GMDS: variants seen among roughly 807,000 people sequenced by gnomAD.
GMDS encodes the protein GDP-mannose 4,6-dehydratase.
In GMDS, 20 loss-of-function variants were observed where a neutral mutation model predicts 49.9. The ratio of observed to expected loss-of-function variants is 0.40; its 90% CI spans 0.28 to 0.58. The LOEUF is 0.58. Ranked by LOEUF, GMDS falls within the 20% of genes least tolerant of loss-of-function variation. GMDS has a pLI of 0.42. For synonymous variants in GMDS, 177 were observed against 178.6 expected, an observed-to-expected ratio of 0.99 and a Z score of 0.07; for missense variants, 362 against 481.4, an observed-to-expected ratio of 0.75 and a Z score of 2.32.
intron 4 of GMDS, among the ~76,000 whole-genome samples, chr6:2,004,570 CAG>C (rs1247357322): frequency 6.6e-6 from 1 of 152,148 alleles, no homozygotes; most frequent in African/African-American, 2.4e-5. Context: ...TTGCTTAACA[CAG>C]GGGAGCTTGA....
At chr6:1,948,876 A>G (rs1406174602) in intron 6 of GMDS, among the ~76,000 whole-genome samples, 1 of 151,970 alleles carries the variant, frequency 6.6e-6, no homozygotes, top group East Asian at 1.9e-4. Flanking sequence ...TTTTTTTGCA[A>G]TTCACGGGTG....
At chr6:2,231,569 A>T (rs775714064) in intron 1 of GMDS, among the ~76,000 whole-genome samples, 1 of 152,200 alleles carries the variant, frequency 6.6e-6, no homozygotes, top group African/African-American at 2.4e-5. Context: ...GTCTCCAAAA[A>T]AAAAGCCTAA....
At chr6:1,681,233 C>A (rs1764777864) in intron 9 of GMDS, among the ~76,000 whole-genome samples, 1 of 151,930 alleles carries the variant, frequency 6.6e-6, no homozygotes, top group Non-Finnish European at 1.5e-5. Context: ...TACACACCTG[C>A]CTCCTCACAG....
At chr6:1,964,784 C>T (rs1361160956) in intron 4 of GMDS, among the ~76,000 whole-genome samples, 2 of 152,104 alleles carry the variant, frequency 1.3e-5, no homozygotes, top group Non-Finnish European at 2.9e-5. Flanking sequence ...CCCAGTAACT[C>T]GTCATTTAGC....
intron 8 of GMDS, among the ~76,000 whole-genome samples, chr6:1,730,185 G>C (rs1015971665): frequency 6.6e-6 from 1 of 152,202 alleles, no homozygotes; most frequent in African/African-American, 2.4e-5. Flanking sequence ...GTGCCATAAG[G>C]CAGGCCTGGA....
intron 4 of GMDS, among the ~76,000 whole-genome samples, chr6:2,088,486 G>A (rs941877671): frequency 3.3e-5 from 5 of 152,302 alleles, no homozygotes; most frequent in Non-Finnish European, 7.4e-5. Context: ...CATCTTGCCT[G>A]ATAACTCACA....
At chr6:2,228,364 T>G (rs1452731806) in intron 1 of GMDS, among the ~76,000 whole-genome samples, 1 of 152,206 alleles carries the variant, frequency 6.6e-6, no homozygotes, top group Non-Finnish European at 1.5e-5. Context: ...CTCCTTTTCT[T>G]CAATATACAC....
chr6:2,173,295 T>A (rs1778110689), intron 1 of GMDS, among the ~76,000 whole-genome samples: 1 of 152,192 alleles, frequency 6.6e-6, no homozygotes, highest in Admixed American at 6.5e-5. Flanking sequence ...AGGGTAGAAA[T>A]GTTTTCATCT....
chr6:1,624,727 T>G, intron 9 of GMDS, 187 bp from the exon 10 acceptor site: 1 of 597,106 alleles, frequency 1.7e-6, no homozygotes, highest in South Asian at 2.0e-5. Context: ...TAGGTCGCGG[T>G]TAAGAATGTG....
At chr6:1,774,983 G>A (rs1768737771) in intron 7 of GMDS, among the ~76,000 whole-genome samples, 1 of 152,220 alleles carries the variant, frequency 6.6e-6, no homozygotes, top group African/African-American at 2.4e-5. Flanking sequence ...CCTGCTCGAT[G>A]GCCTCCTGTC....
chr6:2,167,975 T>C (rs1002508192), intron 1 of GMDS, among the ~76,000 whole-genome samples: 9 of 152,372 alleles, frequency 5.9e-5, no homozygotes, highest in South Asian at 2.1e-4. Flanking sequence ...GGTGCCTTCA[T>C]TGAAGCATTT....
chr6:2,216,419 T>C (rs1242119494), intron 1 of GMDS, among the ~76,000 whole-genome samples: 1 of 152,258 alleles, frequency 6.6e-6, no homozygotes, highest in East Asian at 1.9e-4. Flanking sequence ...AGATTCTACC[T>C]TAATCAGAGT....
intron 7 of GMDS, among the ~76,000 whole-genome samples, chr6:1,840,900 A>G (rs1281557457): frequency 6.6e-6 from 1 of 152,220 alleles, no homozygotes; most frequent in Non-Finnish European, 1.5e-5. Context: ...TCTGGCAGCC[A>G]CTAATGACAT....
chr6:1,726,837 C>A (rs1449074225), intron 8 of GMDS, among the ~76,000 whole-genome samples: 2 of 151,858 alleles, frequency 1.3e-5, no homozygotes, highest in African/African-American at 4.8e-5. Context: ...TTTCTCTAGA[C>A]CATTCTTGGT....
intron 4 of GMDS, among the ~76,000 whole-genome samples, chr6:2,089,408 A>G (rs887515888): frequency 2.0e-5 from 3 of 152,204 alleles, no homozygotes; most frequent in Non-Finnish European, 4.4e-5. Context: ...CGAGAACAAA[A>G]TAAAATAAAT....
intron 4 of GMDS, among the ~76,000 whole-genome samples, chr6:2,115,241 C>T (rs1774778929): frequency 6.6e-6 from 1 of 152,140 alleles, no homozygotes; most frequent in Admixed American, 6.5e-5. Flanking sequence ...GGGGAAAATC[C>T]ACACTGGCTA....
intron 4 of GMDS, among the ~76,000 whole-genome samples, chr6:2,044,899 T>C (rs901883136): frequency 1.3e-5 from 2 of 152,052 alleles, no homozygotes; most frequent in African/African-American, 4.8e-5. Context: ...TGTGTGTGTG[T>C]GTTTTTTTCA....
chr6:2,163,710 A>G (rs9328084), intron 1 of GMDS, among the ~76,000 whole-genome samples: 23,783 of 152,156 alleles, frequency 0.16, 4,234 homozygotes, highest in African/African-American at 0.43. Flanking sequence ...GACTTCAAAT[A>G]CCTGGTGATA....
At chr6:1,895,674 T>C (rs1760126880) in intron 7 of GMDS, among the ~76,000 whole-genome samples, 1 of 152,206 alleles carries the variant, frequency 6.6e-6, no homozygotes, top group Non-Finnish European at 1.5e-5. Context: ...CTGGTCATTA[T>C]CAAATAGAAA....
Sources: gnomAD v4.1 joint callset for allele counts (sites outside exome capture counted in the v4.1 genomes callset) on GRCh38, gnomAD v4.1.1 for gene constraint, MANE v1.5 for transcripts, NCBI Gene and HGNC (gene_info 2026-07-23, HGNC 2026-07-21) for gene names.